The following KPTN variants were observed in gnomAD, a reference collection of about 807,000 sequenced individuals.
KPTN encodes kaptin, actin binding protein.
A neutral mutation model predicts 52.6 loss-of-function variants in KPTN; 36 were observed. The observed-to-expected ratio is 0.68, with a 90% CI of 0.52 to 0.90. The LOEUF (loss-of-function observed/expected upper bound fraction) is 0.90, where lower values mean the gene tolerates loss of function less well. KPTN is among the 40% of genes least tolerant of loss of function. KPTN has a pLI of 0.00. For synonymous variants in KPTN, 271 were observed against 248.4 expected (o/e 1.09, Z -0.85); for missense variants, 529 against 576.2 (o/e 0.92, Z 0.84).
chr19:47,477,299 G>C (rs1967704666), intron 9 of KPTN, among the ~76,000 whole-genome samples: 1 of 152,208 alleles, frequency 6.6e-6, no homozygotes, highest in African/African-American at 2.4e-5. Context: ...AGGGGTGCCA[G>C]AGCTGGCTAT....
chr19:47,481,315 A>G (rs1289800939), intron 4 of KPTN, among the ~76,000 whole-genome samples: 2 of 152,190 alleles, frequency 1.3e-5, no homozygotes, highest in African/African-American at 4.8e-5. Flanking sequence ...CCGCTCTTAG[A>G]GCCCGCATCT....
intron 6 of KPTN, 148 bp downstream of exon 6, chr19:47,480,612 C>A (rs951112540): frequency 8.4e-6 from 7 of 831,556 alleles, no homozygotes; most frequent in Non-Finnish European, 1.2e-5. Flanking sequence ...TCTGGGGTCA[C>A]CCCTGCTGAT....
chr19:47,484,046 C>T lies in KPTN; in HGVS notation c.115G>A (p.Gly39Arg). 1 of 1,611,202 alleles carries T rather than the reference C, an allele frequency of 6.2e-7. No individual in the cohort carries two copies. The highest frequency in any genetic ancestry group is 8.5e-7 in the Non-Finnish European group (1 of 1,179,796). The change falls in exon 1 of 12, where the codon GGG becomes AGG. Residue 39 changes from glycine to arginine, a missense_variant. Transcript: ENST00000338134. Reference protein sequence around the residue: ...YGLAGGAGGRGELLAATLKGK... With the variant: ...YGLAGGAGGRRELLAATLKGK... ...TTAAGGGTGGCGGCCAGCAGCTCCC[C>T]GCGCCCGCCGGCGCCGCCTGCCAGC...
At chr19:47,477,490 G>T (rs1568453993) in intron 9 of KPTN, among the ~76,000 whole-genome samples, 1 of 151,982 alleles carries the variant, frequency 6.6e-6, no homozygotes, top group African/African-American at 2.4e-5. Flanking sequence ...TACTCCAGGG[G>T]GCACAGGCAT....
Position 47,480,377 on chromosome 19 carries a change from G to C in KPTN, c.630C>G (p.Pro210=). ...SVLWLDVHNF[P]GTSRRLSALG... ...GAGCTGAGAGGCGCCGGGACGTGCC[G>C]GGGAAGTTGTGGACGTCCAGCCAGA... The change falls in exon 7 of 12, where the codon CCC becomes CCG. Residue 210 remains proline (P), a synonymous_variant. Coordinates refer to ENST00000338134, the MANE Select transcript of KPTN (RefSeq NM_007059.4). The C allele has an allele frequency of 4.5e-6, 7 of 1,549,206 alleles. No individual in the cohort carries two copies. The highest frequency in any genetic ancestry group is 1.7e-4 in the Middle Eastern group (1 of 5,966).
intron 2 of KPTN, 22 bp from the exon 3 acceptor site, chr19:47,483,401 A>C (rs1360913847): frequency 6.2e-7 from 1 of 1,609,158 alleles, no homozygotes; most frequent in South Asian, 1.1e-5. Context: ...CACGGGGTTC[A>C]GGGGAGGGCA....
Position 47,483,294 on chromosome 19 carries a change from C to T in KPTN, c.394+1G>A, listed in dbSNP as rs373139784. 187 of 1,613,816 alleles carry T rather than the reference C, an allele frequency of 1.2e-4. No homozygotes were observed. The highest frequency in any genetic ancestry group is 1.5e-4 in the Non-Finnish European group (182 of 1,179,894). ...CCTCCTCCCGTCCACGCCTCACTCA[C>T]GGGCAATAGAGTCAAGGTTGTACTC... is the stretch of plus-strand genomic sequence containing the variant. On this transcript the variant is annotated splice_donor_variant, in intron 3 of 11. Coordinates refer to ENST00000338134, the MANE Select transcript of KPTN (RefSeq NM_007059.4). LOFTEE classifies it high-confidence loss of function.
rs1967990407 is a variant in KPTN, at chr19:47,484,090, G to C, written c.71C>G (p.Ser24Trp). Residue 24 changes from serine (S) to tryptophan (W), a missense_variant, in exon 1 of 12, where the codon TCG becomes TGG. Ser to Trp is a radical substitution (Grantham distance 177). Coordinates refer to ENST00000338134, the MANE Select transcript of KPTN (RefSeq NM_007059.4). ...LREDSFTRFS[S>W]QSNVYGLAGG... ...TGCCAGCCCGTACACATTGCTCTGC[G>C]ACGAGAAGCGCGTGAAGCTGTCCTC... The C allele has an allele frequency of 6.2e-7, 1 of 1,607,354 alleles. No homozygotes were observed. Among genetic ancestry groups the C allele is most frequent in the Non-Finnish European group, 8.5e-7 (1 of 1,179,766 alleles).
chr19:47,479,272 A>G (rs1447743191), intron 8 of KPTN, among the ~76,000 whole-genome samples: 1 of 152,210 alleles, frequency 6.6e-6, no homozygotes, highest in African/African-American at 2.4e-5. Flanking sequence ...TGAACTCCCG[A>G]CCTCAGGTGA....
chr19:47,484,322 G>T, upstream of KPTN: 1 of 852,482 alleles, frequency 1.2e-6, no homozygotes, highest in Non-Finnish European at 1.8e-6. Flanking sequence ...CGGCCAGGTC[G>T]CCTGCTCGGG....
In KPTN at chr19:47,475,496, G is replaced by C; in HGVS notation, c.1231C>G (p.Gln411Glu). 1 of 1,613,498 alleles carries C rather than the reference G, an allele frequency of 6.2e-7. No homozygotes were observed. The highest frequency in any genetic ancestry group is 8.5e-7 in the Non-Finnish European group (1 of 1,179,526). ...SELVLTRLRHQVEQRRRRLQG... is the reference protein window; with the variant it reads ...SELVLTRLRHEVEQRRRRLQG... ...AGCCGACGTCTCCTCTGCTCCACTT[G>C]ATGTCGAAGCCGGGTCAAGACCAGC... Residue 411 changes from glutamine (Q) to glutamate (E), a missense_variant, in exon 12 of 12, where the codon CAA becomes GAA. Transcript: ENST00000338134.
chr19:47,477,491 G>T (rs1967711755), intron 9 of KPTN, among the ~76,000 whole-genome samples: 1 of 152,060 alleles, frequency 6.6e-6, no homozygotes, highest in African/African-American at 2.4e-5. Flanking sequence ...ACTCCAGGGG[G>T]CACAGGCATC....
chr19:47,480,996 A>T lies in KPTN; in HGVS notation c.487T>A (p.Leu163Met). ...TGAATGGCCGGGTCGTTCCCACTCAAGAGAAACACAGTCTCAAGTTGATCC... is the reference window on the plus strand; with the variant it reads ...TGAATGGCCGGGTCGTTCCCACTCATGAGAAACACAGTCTCAAGTTGATCC... ...VGDQLETVFL[L>M]SGNDPAIHLY... is the part of the protein sequence containing the mutation. The change falls in exon 5 of 12, where the codon TTG becomes ATG. Residue 163 changes from leucine to methionine, a missense_variant. Physicochemically the swap from Leu to Met is conservative, Grantham distance 15. Coordinates refer to ENST00000338134, the MANE Select transcript of KPTN (RefSeq NM_007059.4). The T allele has an allele frequency of 6.3e-7, 1 of 1,595,720 alleles. No homozygotes were observed. Among genetic ancestry groups the T allele is most frequent in the Non-Finnish European group, 8.5e-7 (1 of 1,170,162 alleles).
Position 47,476,667 on chromosome 19 carries a change from C to T in KPTN, c.1047G>A (p.Glu349=). 1 of 1,612,926 alleles carries T rather than the reference C, an allele frequency of 6.2e-7. No individual in the cohort carries two copies. The highest frequency in any genetic ancestry group is 8.5e-7 in the Non-Finnish European group (1 of 1,179,714). The part of the protein sequence containing the change: ...KYRGPESGLP[E]AQHGFHLLWQ... Reference sequence around the variant, plus strand: ...ACAGCAGATGGAACCCGTGCTGGGCCTCAGGAAGCCCCGACTCTGGGCCCC... The same window carrying T: ...ACAGCAGATGGAACCCGTGCTGGGCTTCAGGAAGCCCCGACTCTGGGCCCC... The change falls in exon 11 of 12, where the codon GAG becomes GAA. Residue 349 remains glutamate (E), a synonymous_variant. Transcript: ENST00000338134.
At chr19:47,476,302 C>A in intron 11 of KPTN, 1 of 308,388 alleles carries the variant, frequency 3.2e-6, no homozygotes, top group East Asian at 4.6e-5. Flanking sequence ...GAGCAAGACT[C>A]TGTCTCAAAA....
Position 47,483,604 on chromosome 19 carries a change from A to C in KPTN, c.227-20T>G. 2 of 1,519,808 alleles carry C rather than the reference A, an allele frequency of 1.3e-6. No homozygotes were observed. The highest frequency in any genetic ancestry group is 1.2e-5 in the South Asian group (1 of 82,772). 94.1% of individuals were successfully genotyped at this position (1,519,808 alleles called of 1,614,324 possible). A position where few individuals can be genotyped will look rare whatever the true frequency, so the allele number is the denominator to read the frequency against. On this transcript the variant is annotated intron_variant, in intron 1 of 11. Transcript: ENST00000338134. Reference sequence around the variant, plus strand: ...CATCCACTGGGAGGGGAGAGTTCTAAGTTCAGTGTCAGGCAGACTCATGCT... The same window carrying C: ...CATCCACTGGGAGGGGAGAGTTCTACGTTCAGTGTCAGGCAGACTCATGCT...
intron 4 of KPTN, among the ~76,000 whole-genome samples, chr19:47,482,370 T>G (rs1488869941): frequency 6.6e-6 from 1 of 151,144 alleles, no homozygotes; most frequent in African/African-American, 2.4e-5. Context: ...GAGCCTGTAA[T>G]CCTAGCTACT....
chr19:47,479,944 C>CA lies in KPTN; in HGVS notation c.710-5_710-4insT. On this transcript the variant is annotated splice_polypyrimidine_tract_variant and splice_region_variant and intron_variant, in intron 7 of 11. Coordinates refer to ENST00000338134, the MANE Select transcript of KPTN (RefSeq NM_007059.4). The stretch of plus-strand genomic sequence containing the variant: ...ACCGACCACATCTGCAGAACCTCTG[C>CA]GTGGAGAGCGAGGATTCAGAGCCCC... 1 of 1,609,490 alleles carries CA rather than the reference C, an allele frequency of 6.2e-7. No homozygotes were observed. The highest frequency in any genetic ancestry group is 1.1e-5 in the South Asian group (1 of 90,680).
chr19:47,475,267 G>GTGGGTTAGC lies in KPTN; in HGVS notation c.*140_*148dup. On this transcript the variant is annotated 3_prime_UTR_variant, in exon 12 of 12. Coordinates refer to ENST00000338134, the MANE Select transcript of KPTN (RefSeq NM_007059.4). ...GGGACATTGACGTACAGAGAGAGGA[G>GTGGGTTAGC]TGGGTTAGCTGGGGCCCCAGGGCAC... 1 of 727,206 alleles carries GTGGGTTAGC rather than the reference G, an allele frequency of 1.4e-6. No individual in the cohort carries two copies. The highest frequency in any genetic ancestry group is 2.2e-6 in the Non-Finnish European group (1 of 455,060). The allele number at this position is 727,206 out of a possible 1,614,324, so 45.0% of individuals were successfully genotyped here. A position where few individuals can be genotyped will look rare whatever the true frequency, so the allele number is the denominator to read the frequency against.
Sources: gnomAD v4.1 joint callset for allele counts (sites outside exome capture counted in the v4.1 genomes callset) on GRCh38, gnomAD v4.1.1 for gene constraint, MANE v1.5 for transcripts, NCBI Gene and HGNC (gene_info 2026-07-23, HGNC 2026-07-21) for gene names.